The following GRM8 variants were observed in gnomAD, a reference collection of about 807,000 sequenced individuals.
GRM8 encodes the protein metabotropic glutamate receptor 8.
Under a neutral mutation model 87.2 loss-of-function variants are expected in GRM8, and 47 were observed. The observed-to-expected ratio is 0.54, with a 90% CI of 0.43 to 0.69. The LOEUF is 0.69. GRM8 is among the 30% of genes least tolerant of loss of function. GRM8 has a pLI of 0.00. For missense variants in GRM8, 1,019 were observed against 1,139.2 expected (o/e 0.89, Z 1.52); for synonymous variants, 396 against 404.5 (o/e 0.98, Z 0.25).
intron 6 of GRM8, among the ~76,000 whole-genome samples, chr7:126,877,215 C>A (rs1404246749): frequency 6.6e-6 from 1 of 152,044 alleles, no homozygotes; most frequent in African/African-American, 2.4e-5. Flanking sequence ...TAAACGTATT[C>A]TTTTGTTTTG....
intron 7 of GRM8, among the ~76,000 whole-genome samples, chr7:126,739,357 A>G (rs1814651425): frequency 6.6e-6 from 1 of 152,034 alleles, no homozygotes; most frequent in Non-Finnish European, 1.5e-5. Context: ...GCTGGGAATT[A>G]GAGTGAATCA....
chr7:126,749,432 T>A (rs1025628579), intron 7 of GRM8, among the ~76,000 whole-genome samples: 5 of 151,922 alleles, frequency 3.3e-5, no homozygotes, highest in African/African-American at 1.2e-4. Flanking sequence ...ACAAGTAAGA[T>A]TCATTTTTAG....
chr7:126,734,840 G>T (rs1563136306), intron 7 of GRM8, among the ~76,000 whole-genome samples: 1 of 151,986 alleles, frequency 6.6e-6, no homozygotes, highest in Admixed American at 6.6e-5. Flanking sequence ...ATATTTTATT[G>T]ACATCTGCAC....
chr7:127,203,797 T>C (rs765329239), intron 2 of GRM8, among the ~76,000 whole-genome samples: 1 of 147,424 alleles, frequency 6.8e-6, no homozygotes, highest in Non-Finnish European at 1.5e-5. Context: ...GCGGTGGGGG[T>C]GAGTTTTGAA....
chr7:126,861,559 C>G (rs545549324), intron 6 of GRM8, among the ~76,000 whole-genome samples: 1 of 151,814 alleles, frequency 6.6e-6, no homozygotes, highest in South Asian at 2.1e-4. Context: ...ATATTTGGTA[C>G]GGCCAGATAT....
At chr7:126,871,126 ATTG>A (rs1222532044) in intron 6 of GRM8, among the ~76,000 whole-genome samples, 2 of 152,216 alleles carry the variant, frequency 1.3e-5, no homozygotes, top group African/African-American at 2.4e-5. Flanking sequence ...TGGATATGGA[ATTG>A]TGAGACCATC....
At chr7:127,187,422 A>G (rs1220703408) in intron 2 of GRM8, among the ~76,000 whole-genome samples, 1 of 152,126 alleles carries the variant, frequency 6.6e-6, no homozygotes, top group East Asian at 1.9e-4. Flanking sequence ...GTTTTTTAAC[A>G]TCTAAATTGA....
intron 7 of GRM8, among the ~76,000 whole-genome samples, chr7:126,619,936 C>T (rs11976133): frequency 0.31 from 46,842 of 152,060 alleles, 8,087 homozygotes; most frequent in East Asian, 0.43. Flanking sequence ...AGCAATCCTC[C>T]CTCCTTGGCC....
chr7:127,024,747 T>C (rs1816613427), intron 3 of GRM8, among the ~76,000 whole-genome samples: 1 of 152,054 alleles, frequency 6.6e-6, no homozygotes, highest in Non-Finnish European at 1.5e-5. Flanking sequence ...CACCTGCTGT[T>C]GCCTTTGCCT....
intron 3 of GRM8, among the ~76,000 whole-genome samples, chr7:127,101,432 G>A (rs1200216114): frequency 2.0e-5 from 3 of 152,190 alleles, no homozygotes; most frequent in Non-Finnish European, 4.4e-5. Flanking sequence ...CCTGGTGAGA[G>A]GTATTGGGTC....
chr7:127,117,571 G>A (rs928522256), intron 2 of GRM8, among the ~76,000 whole-genome samples: 1 of 152,144 alleles, frequency 6.6e-6, no homozygotes, highest in Non-Finnish European at 1.5e-5. Context: ...GACAGTGAAA[G>A]TTTTCTATAA....
intron 3 of GRM8, among the ~76,000 whole-genome samples, chr7:127,027,632 T>G (rs552323367): frequency 6.6e-6 from 1 of 152,330 alleles, no homozygotes; most frequent in East Asian, 1.9e-4. Flanking sequence ...TTTGGCTGTT[T>G]GTCTGTTATT....
intron 6 of GRM8, among the ~76,000 whole-genome samples, chr7:126,855,921 C>A (rs1206744932): frequency 6.6e-6 from 1 of 152,120 alleles, no homozygotes; most frequent in East Asian, 1.9e-4. Flanking sequence ...ACCAGGCTGC[C>A]AGGAAAACAC....
At chr7:127,065,649 G>A (rs553247609) in intron 3 of GRM8, among the ~76,000 whole-genome samples, 300 of 152,310 alleles carry the variant, frequency 2.0e-3, no homozygotes, top group Non-Finnish European at 3.4e-3. Context: ...GGCTGTGGTG[G>A]TGGAGATGGA....
At chr7:126,640,346 G>C (rs3824020) in intron 7 of GRM8, among the ~76,000 whole-genome samples, 46,786 of 151,896 alleles carry the variant, frequency 0.31, 8,080 homozygotes, top group East Asian at 0.43. Context: ...TGTTTTATGA[G>C]AATAAACTAG....
intron 2 of GRM8, among the ~76,000 whole-genome samples, chr7:127,143,556 T>C: frequency 6.6e-6 from 1 of 152,084 alleles, no homozygotes; most frequent in Admixed American, 6.6e-5. Context: ...GACGACCCTG[T>C]GAGGGAGAAA....
At chr7:127,238,777 T>C (rs143947250) in intron 2 of GRM8, among the ~76,000 whole-genome samples, 108 of 152,330 alleles carry the variant, frequency 7.1e-4, no homozygotes, top group Non-Finnish European at 1.3e-3. Flanking sequence ...AAAGATAGGA[T>C]GACACCACTT....
chr7:126,865,958 G>A (rs75265264), intron 6 of GRM8, among the ~76,000 whole-genome samples: 3,358 of 152,236 alleles, frequency 0.022, 134 homozygotes, highest in African/African-American at 0.077. Context: ...GAGTAGAACC[G>A]GTGGAATATA....
intron 3 of GRM8, among the ~76,000 whole-genome samples, 172 bp downstream of exon 3, chr7:127,106,324 T>C (rs1252570712): frequency 6.6e-6 from 1 of 152,184 alleles, no homozygotes. Flanking sequence ...GATAGACCTA[T>C]GAACAACAAA....
Sources: gnomAD v4.1 joint callset for allele counts (sites outside exome capture counted in the v4.1 genomes callset) on GRCh38, gnomAD v4.1.1 for gene constraint, MANE v1.5 for transcripts, NCBI Gene and HGNC (gene_info 2026-07-23, HGNC 2026-07-21) for gene names.